PYHIN1: variants seen among roughly 807,000 people sequenced by gnomAD.
PYHIN1 encodes the protein pyrin and HIN domain-containing protein 1.
Under a neutral mutation model 43.7 loss-of-function variants are expected in PYHIN1, and 32 were observed. That is an observed-to-expected ratio of 0.73 (90% confidence interval 0.55 to 0.98). PYHIN1 has a LOEUF of 0.98. PYHIN1 is among the 50% of genes least tolerant of loss of function. The pLI, the probability that PYHIN1 is intolerant of heterozygous loss-of-function variation, is 0.00. For missense variants in PYHIN1, 588 were observed against 589.5 expected (o/e 1.00, Z 0.03); for synonymous variants, 205 against 203.1 (o/e 1.01, Z -0.08).
intron 7 of PYHIN1, among the ~76,000 whole-genome samples, chr1:158,971,233 A>G (rs1434404230): frequency 6.6e-6 from 1 of 151,976 alleles, no homozygotes; most frequent in East Asian, 1.9e-4. Context: ...GGACAAAAGA[A>G]AAATATTATG....
At position 158,942,268 on chromosome 1, in the gene PYHIN1, G is replaced by C; in HGVS notation, c.871G>C (p.Glu291Gln). The C allele has an allele frequency of 6.2e-7, 1 of 1,614,082 alleles. No individual in the cohort carries two copies. The highest frequency in any genetic ancestry group is 8.5e-7 in the Non-Finnish European group (1 of 1,179,970). Residue 291 changes from glutamate (E) to glutamine (Q), a missense_variant, in exon 5 of 9, where the codon GAA becomes CAA. Coordinates refer to ENST00000368140, the MANE Select transcript of PYHIN1 (RefSeq NM_152501.5). ...GGTGAATGAAGCCTCTTCTGTATCT[G>C]AAGCTGGTCCTGACCAAACGTTTGA... Reference protein sequence around the residue: ...LEVNEASSVSEAGPDQTFEVP... With the variant: ...LEVNEASSVSQAGPDQTFEVP...
chr1:158,988,763 G>C, the PYHIN1 span, among the ~76,000 whole-genome samples: 2 of 152,098 alleles, frequency 1.3e-5, no homozygotes, highest in South Asian at 4.1e-4. Flanking sequence ...GAGATAAACT[G>C]AAGAGAAAAT....
intron 7 of PYHIN1, among the ~76,000 whole-genome samples, chr1:158,970,974 A>G (rs1650901073): frequency 6.6e-6 from 1 of 152,110 alleles, no homozygotes; most frequent in Non-Finnish European, 1.5e-5. Context: ...TATTCAACTT[A>G]GTCAACTAAA....
At chr1:158,944,584 A>G (rs1369639416) in intron 6 of PYHIN1, among the ~76,000 whole-genome samples, 1 of 152,228 alleles carries the variant, frequency 6.6e-6, no homozygotes, top group Non-Finnish European at 1.5e-5. Flanking sequence ...CATGCAAGAC[A>G]GGTAACAAGC....
At chr1:158,945,075 C>T (rs376591805) in intron 7 of PYHIN1, 33 bp downstream of exon 7, 1 of 1,572,560 alleles carries the variant, frequency 6.4e-7, no homozygotes. Context: ...ACTCTTATCT[C>T]CCAAATATAA....
At chr1:158,986,368 G>T in the PYHIN1 span, among the ~76,000 whole-genome samples, 1 of 152,130 alleles carries the variant, frequency 6.6e-6, no homozygotes, top group Non-Finnish European at 1.5e-5. Flanking sequence ...AATTTCATGG[G>T]TCCAAGGATC....
intron 1 of PYHIN1, among the ~76,000 whole-genome samples, chr1:158,936,665 C>G (rs942423180): frequency 2.6e-5 from 4 of 152,124 alleles, no homozygotes; most frequent in Non-Finnish European, 4.4e-5. Flanking sequence ...GCTAAAAACT[C>G]TCAATAAATT....
chr1:158,981,749 G>A (rs923315768), downstream of PYHIN1, among the ~76,000 whole-genome samples: 2 of 151,892 alleles, frequency 1.3e-5, no homozygotes, highest in African/African-American at 4.8e-5. Context: ...CATATAATTG[G>A]CATTTCCACC....
chr1:158,965,594 T>G (rs747907265), intron 7 of PYHIN1, among the ~76,000 whole-genome samples: 6 of 152,074 alleles, frequency 3.9e-5, no homozygotes, highest in Non-Finnish European at 8.8e-5. Flanking sequence ...AGAAAATGGC[T>G]CCAACCATAC....
intron 1 of PYHIN1, among the ~76,000 whole-genome samples, chr1:158,934,324 G>A (rs1633277): frequency 0.25 from 37,932 of 152,062 alleles, 4,844 homozygotes; most frequent in Non-Finnish European, 0.28. Flanking sequence ...CAAATAAATC[G>A]TGTTGTCATA....
At chr1:158,971,154 T>C (rs1218820279) in intron 7 of PYHIN1, among the ~76,000 whole-genome samples, 1 of 151,964 alleles carries the variant, frequency 6.6e-6, no homozygotes, top group Non-Finnish European at 1.5e-5. Flanking sequence ...ATGGCTAGGG[T>C]TTGTTGTCCT....
At chr1:158,943,292 A>G (rs149872019) in intron 5 of PYHIN1, among the ~76,000 whole-genome samples, 318 of 152,322 alleles carry the variant, frequency 2.1e-3, no homozygotes, top group African/African-American at 7.1e-3. Context: ...GAGCTTAAGG[A>G]CCTGAGTTCA....
intron 8 of PYHIN1, among the ~76,000 whole-genome samples, chr1:158,975,114 C>T (rs2101741451): frequency 6.6e-6 from 1 of 152,132 alleles, no homozygotes; most frequent in South Asian, 2.1e-4. Flanking sequence ...ATAGCCATTT[C>T]TTCTTTGATA....
intron 6 of PYHIN1, among the ~76,000 whole-genome samples, chr1:158,944,626 G>A (rs772306773): frequency 6.6e-6 from 1 of 152,002 alleles, no homozygotes; most frequent in African/African-American, 2.4e-5. Context: ...ATGCCATAAA[G>A]ACAAAAATGG....
Position 158,941,958 on chromosome 1 carries a change from C to T in PYHIN1, c.580-19C>T, listed in dbSNP as rs758389930. The T allele has an allele frequency of 1.3e-6, 2 of 1,555,446 alleles. No individual in the cohort carries two copies. The highest frequency in any genetic ancestry group is 1.7e-6 in the Non-Finnish European group (2 of 1,155,836). Reference sequence around the variant, plus strand: ...CACTCAAAAATTTCTTTTTTGTATTCCTTTTGTATCATGCGCAGAGCCTAA... The same window carrying T: ...CACTCAAAAATTTCTTTTTTGTATTTCTTTTGTATCATGCGCAGAGCCTAA... On this transcript the variant is annotated intron_variant, in intron 4 of 8. Transcript: ENST00000368140.
chr1:158,985,687 C>T, the PYHIN1 span, among the ~76,000 whole-genome samples: 2,407 of 152,212 alleles, frequency 0.016, 67 homozygotes, highest in African/African-American at 0.056. Context: ...CCTGAATTTA[C>T]ATGTCAACCT....
the PYHIN1 span, among the ~76,000 whole-genome samples, chr1:158,989,103 A>G: frequency 6.6e-6 from 1 of 152,334 alleles, no homozygotes; most frequent in South Asian, 2.1e-4. Context: ...GGAAATTTCT[A>G]TGCTATGCCT....
chr1:158,961,948 C>G (rs1232645902), intron 7 of PYHIN1, among the ~76,000 whole-genome samples: 1 of 152,168 alleles, frequency 6.6e-6, no homozygotes, highest in Non-Finnish European at 1.5e-5. Flanking sequence ...CTGCACCTCA[C>G]AGGATAAAGT....
At chr1:158,968,915 G>A (rs1397338127) in intron 7 of PYHIN1, among the ~76,000 whole-genome samples, 1 of 151,890 alleles carries the variant, frequency 6.6e-6, no homozygotes, top group Non-Finnish European at 1.5e-5. Context: ...ATGGGAAGAG[G>A]GAGAGGATGA....
Sources: gnomAD v4.1 joint callset for allele counts (sites outside exome capture counted in the v4.1 genomes callset) on GRCh38, gnomAD v4.1.1 for gene constraint, MANE v1.5 for transcripts, NCBI Gene and HGNC (gene_info 2026-07-23, HGNC 2026-07-21) for gene names.